The following SCN1A variants were observed in gnomAD, a reference collection of about 807,000 sequenced individuals.
SCN1A encodes sodium voltage-gated channel alpha subunit 1, also known as sodium channel protein type 1 subunit alpha.
A neutral mutation model predicts 193.7 loss-of-function variants in SCN1A; 13 were observed. The ratio of observed to expected loss-of-function variants is 0.07; its 90% CI spans 0.04 to 0.11. SCN1A has a LOEUF of 0.11. Ranked by LOEUF, SCN1A falls within the 10% of genes least tolerant of loss-of-function variation. The pLI is 1.00. For missense variants in SCN1A, 1,432 were observed against 2,451.1 expected (o/e 0.58, Z 8.78); for synonymous variants, 781 against 843.6 (o/e 0.93, Z 1.29).
chr2:166,031,375 C>T (rs986837257), intron 19 of SCN1A, among the ~76,000 whole-genome samples: 1 of 152,068 alleles, frequency 6.6e-6, no homozygotes, highest in Admixed American at 6.6e-5. Flanking sequence ...GATTTACGCC[C>T]CCGGAATTCC....
intron 2 of SCN1A, among the ~76,000 whole-genome samples, chr2:166,100,745 A>G (rs1295501985): frequency 7.8e-6 from 1 of 128,522 alleles, no homozygotes; most frequent in African/African-American, 3.0e-5. Flanking sequence ...GCAGCCAAAA[A>G]ACACATGAAA....
intron 2 of SCN1A, among the ~76,000 whole-genome samples, chr2:166,112,399 A>G (rs984065080): frequency 1.3e-5 from 2 of 152,200 alleles, no homozygotes; most frequent in Admixed American, 1.3e-4. Context: ...CTTTTTTTCA[A>G]CATAATACTA....
At chr2:166,072,837 CTTTTTTTTTTT>C (rs796420549) in intron 4 of SCN1A, among the ~76,000 whole-genome samples, 1 of 119,462 alleles carries the variant, frequency 8.4e-6, no homozygotes, top group African/African-American at 3.1e-5. Context: ...TCTCTTCTTT[CTTTTTTTTTTT>C]TTTTTTTTTG....
intron 2 of SCN1A, among the ~76,000 whole-genome samples, chr2:166,099,405 A>G (rs1320165051): frequency 6.6e-6 from 1 of 151,112 alleles, no homozygotes. Flanking sequence ...AGCCAATATC[A>G]TACTGAATGG....
chr2:166,045,797 A>C (rs1253933340), intron 12 of SCN1A, among the ~76,000 whole-genome samples: 2 of 152,148 alleles, frequency 1.3e-5, no homozygotes, highest in South Asian at 4.1e-4. Context: ...ATACCCTCAA[A>C]ATATTATTAA....
intron 4 of SCN1A, among the ~76,000 whole-genome samples, chr2:166,067,743 G>A (rs1308607529): frequency 9.1e-5 from 12 of 131,804 alleles, no homozygotes; most frequent in African/African-American, 3.5e-4. Flanking sequence ...TTTTCTAACA[G>A]TTCCTCTTCT....
At chr2:166,099,294 T>C (rs546705496) in intron 2 of SCN1A, among the ~76,000 whole-genome samples, 223 of 150,896 alleles carry the variant, frequency 1.5e-3, no homozygotes, top group African/African-American at 5.0e-3. Context: ...AGAAAAAGCC[T>C]TTGACAAAAT....
chr2:166,044,667 A>G (rs749499950), intron 13 of SCN1A, among the ~76,000 whole-genome samples: 4 of 152,200 alleles, frequency 2.6e-5, no homozygotes, highest in African/African-American at 9.7e-5. Context: ...GAAAAAAAAC[A>G]TAAAATCATA....
chr2:166,104,456 A>G (rs1688471791), intron 2 of SCN1A: 1 of 152,214 alleles, frequency 6.6e-6, no homozygotes, highest in East Asian at 1.9e-4. Flanking sequence ...TTAAAAAGTA[A>G]ATGGGGCTGG....
In SCN1A at chr2:166,015,736, G is replaced by A. The variant is rs1455460814; in HGVS notation, c.3430-9C>T. The A allele has an allele frequency of 7.4e-6, 12 of 1,612,272 alleles. No homozygotes were observed. Among genetic ancestry groups the A allele is most frequent in the Non-Finnish European group, 1.0e-5 (12 of 1,178,672 alleles). The stretch of plus-strand genomic sequence containing the variant: ...CTGCTTTCATTCAGTTTCTGTAAGT[G>A]AGATGGACATAGAAAGTAAAGTCCT... On this transcript the variant is annotated splice_polypyrimidine_tract_variant and intron_variant, in intron 19 of 28. Coordinates refer to ENST00000674923, the MANE Select transcript of SCN1A (RefSeq NM_001165963.4).
chr2:166,038,662 A>T (rs1488395655), intron 17 of SCN1A, among the ~76,000 whole-genome samples: 2 of 152,186 alleles, frequency 1.3e-5, no homozygotes, highest in Non-Finnish European at 2.9e-5. Flanking sequence ...TTTAATGAGT[A>T]CTTGGAATCC....
intron 20 of SCN1A, among the ~76,000 whole-genome samples, chr2:166,014,847 G>A (rs1378048438): frequency 6.6e-6 from 1 of 151,586 alleles, no homozygotes; most frequent in African/African-American, 2.4e-5. Context: ...GTATATTATC[G>A]GGTAAATTAA....
At chr2:166,013,990 G>GCTCATCT in intron 20 of SCN1A, 92 bp from the exon 21 acceptor site, 1 of 1,412,222 alleles carries the variant, frequency 7.1e-7, no homozygotes, top group Admixed American at 1.7e-5. Context: ...TTATTACTAT[G>GCTCATCT]CTCATCTCTG....
At chr2:166,007,848 C>G (rs2105551931) in intron 23 of SCN1A, among the ~76,000 whole-genome samples, 1 of 151,394 alleles carries the variant, frequency 6.6e-6, no homozygotes, top group African/African-American at 2.4e-5. Flanking sequence ...AATCTCACTT[C>G]CCAATCATAA....
At chr2:166,111,600 T>G (rs756733289) in intron 2 of SCN1A, among the ~76,000 whole-genome samples, 2 of 152,162 alleles carry the variant, frequency 1.3e-5, no homozygotes, top group Non-Finnish European at 2.9e-5. Context: ...TTTTCAAGTC[T>G]TATTATTTAA....
intron 19 of SCN1A, among the ~76,000 whole-genome samples, chr2:166,033,785 T>C (rs1695951849): frequency 6.6e-6 from 1 of 152,150 alleles, no homozygotes; most frequent in Non-Finnish European, 1.5e-5. Context: ...TCATGTCAAA[T>C]TTTTACAGAA....
chr2:166,032,148 G>A (rs942031836), intron 19 of SCN1A, among the ~76,000 whole-genome samples: 1 of 33,526 alleles, frequency 3.0e-5, no homozygotes, highest in Non-Finnish European at 5.7e-5. Flanking sequence ...TAACATTTTT[G>A]CATCAGTAAC....
intron 15 of SCN1A, among the ~76,000 whole-genome samples, 158 bp downstream of exon 15, chr2:166,042,134 T>C (rs1001742310): frequency 2.0e-5 from 3 of 152,226 alleles, no homozygotes; most frequent in Non-Finnish European, 4.4e-5. Context: ...TGTTAAGGCT[T>C]CTAGAATATC....
intron 23 of SCN1A, 113 bp from the exon 24 acceptor site, chr2:166,002,866 T>C: frequency 1.2e-6 from 1 of 830,634 alleles, no homozygotes; most frequent in African/African-American, 1.7e-5. Flanking sequence ...CAATGCTATT[T>C]ATTCTAGGAT....
Sources: gnomAD v4.1 joint callset for allele counts (sites outside exome capture counted in the v4.1 genomes callset) on GRCh38, gnomAD v4.1.1 for gene constraint, MANE v1.5 for transcripts, NCBI Gene and HGNC (gene_info 2026-07-23, HGNC 2026-07-21) for gene names.